The following NPAS3 variants were observed in gnomAD, a reference collection of about 807,000 sequenced individuals.
The protein encoded by NPAS3 is neuronal PAS domain protein 3, also known as neuronal PAS domain-containing protein 3.
A neutral mutation model predicts 73.1 loss-of-function variants in NPAS3; 14 were observed. That is an observed-to-expected ratio of 0.19 (90% confidence interval 0.13 to 0.30). The LOEUF (loss-of-function observed/expected upper bound fraction) is 0.30. NPAS3 is among the 10% of genes least tolerant of loss of function. The pLI is 1.00. For synonymous variants in NPAS3, 620 were observed against 541.5 expected (o/e 1.14, Z -2.01); for missense variants, 1,096 against 1,250.0 (o/e 0.88, Z 1.86).
At chr14:33,732,969 T>C (rs531871004) in intron 6 of NPAS3, among the ~76,000 whole-genome samples, 56 of 152,216 alleles carry the variant, frequency 3.7e-4, no homozygotes, top group Non-Finnish European at 7.1e-4. Flanking sequence ...AACAATGATT[T>C]CTCACAATGC....
intron 4 of NPAS3, among the ~76,000 whole-genome samples, chr14:33,544,796 A>ATATATATATGTATATATATAT (rs2054719112): frequency 1.4e-5 from 1 of 72,268 alleles, no homozygotes; most frequent in African/African-American, 9.4e-5. Flanking sequence ...TATTATATAT[A>ATATATATATGTATATATATAT]TATATATATA....
intron 2 of NPAS3, among the ~76,000 whole-genome samples, chr14:33,114,364 C>T (rs191126346): frequency 1.3e-5 from 2 of 152,114 alleles, no homozygotes; most frequent in Non-Finnish European, 2.9e-5. Flanking sequence ...TGTTATTCAG[C>T]ACAACATTAT....
intron 6 of NPAS3, among the ~76,000 whole-genome samples, chr14:33,731,453 G>GA (rs1245922895): frequency 6.8e-6 from 1 of 146,658 alleles, no homozygotes; most frequent in East Asian, 2.0e-4. Context: ...GAGAGAGAAA[G>GA]AAAAAAAGGC....
intron 2 of NPAS3, among the ~76,000 whole-genome samples, chr14:33,101,716 G>A (rs1489410549): frequency 6.6e-6 from 1 of 151,986 alleles, no homozygotes; most frequent in African/African-American, 2.4e-5. Flanking sequence ...ACATTATTAT[G>A]CTTAATATGC....
At chr14:33,274,367 C>T (rs915965283) in intron 3 of NPAS3, among the ~76,000 whole-genome samples, 1 of 152,166 alleles carries the variant, frequency 6.6e-6, no homozygotes, top group African/African-American at 2.4e-5. Context: ...TAAACATGTC[C>T]GTGAACATGC....
chr14:33,131,418 T>G (rs138877111), intron 2 of NPAS3, among the ~76,000 whole-genome samples: 1,552 of 152,340 alleles, frequency 0.01, 27 homozygotes, highest in African/African-American at 0.036. Context: ...CAGCCATGTG[T>G]TCATCTGACT....
chr14:33,787,045 TC>T (rs35758464), intron 9 of NPAS3, among the ~76,000 whole-genome samples: 43,961 of 150,722 alleles, frequency 0.29, 7,185 homozygotes, highest in African/African-American at 0.44. Context: ...TATAACAAAT[TC>T]CCCCCCCAAA....
intron 5 of NPAS3, among the ~76,000 whole-genome samples, chr14:33,575,222 T>A (rs149260469): frequency 1.3e-5 from 2 of 152,352 alleles, no homozygotes; most frequent in East Asian, 3.9e-4. Context: ...TATGGTCTCC[T>A]GCCCATTAGC....
chr14:33,771,880 T>C (rs1358523603), intron 7 of NPAS3, among the ~76,000 whole-genome samples: 3 of 152,186 alleles, frequency 2.0e-5, no homozygotes, highest in Admixed American at 6.5e-5. Flanking sequence ...CACACAGGTA[T>C]AACTAAGTTG....
chr14:33,494,353 T>G (rs2052058461), intron 4 of NPAS3, among the ~76,000 whole-genome samples: 1 of 152,140 alleles, frequency 6.6e-6, no homozygotes. Flanking sequence ...GCTGTGTCCA[T>G]TTTTTTAATG....
At chr14:33,581,535 C>T (rs901903331) in intron 5 of NPAS3, among the ~76,000 whole-genome samples, 5 of 152,062 alleles carry the variant, frequency 3.3e-5, no homozygotes, top group Non-Finnish European at 5.9e-5. Context: ...TATTTGTGAC[C>T]GCTTTGTAGC....
intron 3 of NPAS3, among the ~76,000 whole-genome samples, chr14:33,259,338 A>C (rs2048890690): frequency 6.6e-6 from 1 of 151,982 alleles, no homozygotes; most frequent in African/African-American, 2.4e-5. Context: ...GTCACTGACC[A>C]CCCATTTCTA....
intron 1 of NPAS3, among the ~76,000 whole-genome samples, chr14:32,946,385 CAG>C (rs1555374425): frequency 6.6e-6 from 1 of 150,594 alleles, no homozygotes; most frequent in African/African-American, 2.5e-5. Flanking sequence ...CACACACACA[CAG>C]AGTCATCTTC....
chr14:33,692,836 TAAAAAAAA>T (rs34684535), intron 6 of NPAS3, among the ~76,000 whole-genome samples: 9 of 64,052 alleles, frequency 1.4e-4, no homozygotes, highest in Middle Eastern at 0.014. Context: ...CCCAATGTCT[TAAAAAAAA>T]AAAAAAAAAA....
intron 1 of NPAS3, among the ~76,000 whole-genome samples, chr14:32,988,073 A>AT (rs1264255226): frequency 2.0e-5 from 3 of 152,336 alleles, no homozygotes; most frequent in Non-Finnish European, 4.4e-5. Context: ...AACAATTTCA[A>AT]TAAAATATAT....
intron 2 of NPAS3, among the ~76,000 whole-genome samples, chr14:33,062,796 G>A (rs2041155273): frequency 6.6e-6 from 1 of 152,212 alleles, no homozygotes; most frequent in Non-Finnish European, 1.5e-5. Context: ...TAATGTGCTT[G>A]TGTCCAGACT....
At chr14:33,422,686 A>ATT (rs1303182773) in intron 4 of NPAS3, among the ~76,000 whole-genome samples, 3 of 152,086 alleles carry the variant, frequency 2.0e-5, no homozygotes, top group South Asian at 2.1e-4. Context: ...CACTCAAAAT[A>ATT]TATCTGTTGA....
chr14:33,092,737 A>G (rs1245852679), intron 2 of NPAS3, among the ~76,000 whole-genome samples: 3 of 152,352 alleles, frequency 2.0e-5, no homozygotes, highest in Middle Eastern at 3.4e-3. Context: ...GGCTGCAGTA[A>G]CCAAAACAGC....
intron 5 of NPAS3, among the ~76,000 whole-genome samples, chr14:33,590,648 A>G (rs2057031404): frequency 2.0e-5 from 3 of 152,320 alleles, no homozygotes; most frequent in East Asian, 3.9e-4. Context: ...AATCCCAGTT[A>G]CATAAGACCT....
Sources: gnomAD v4.1 joint callset for allele counts (sites outside exome capture counted in the v4.1 genomes callset) on GRCh38, gnomAD v4.1.1 for gene constraint, MANE v1.5 for transcripts, NCBI Gene and HGNC (gene_info 2026-07-23, HGNC 2026-07-21) for gene names.